The following CLDND1 variants were observed in gnomAD, a reference collection of about 807,000 sequenced individuals.
CLDND1 encodes claudin domain containing 1, also known as claudin domain-containing protein 1.
A neutral mutation model predicts 26.3 loss-of-function variants in CLDND1; 13 were observed. That is an observed-to-expected ratio of 0.49 (90% CI 0.32 to 0.78). CLDND1 has a LOEUF of 0.78. Ranked by LOEUF, CLDND1 falls within the 30% of genes least tolerant of loss-of-function variation. CLDND1 has a pLI of 0.03. For synonymous variants in CLDND1, 107 were observed against 107.0 expected, an observed-to-expected ratio of 1.00 and a Z score of 0.00; for missense variants, 289 against 312.8, an observed-to-expected ratio of 0.92 and a Z score of 0.57.
chr3:98,522,177 T>A (rs921023599), intron 1 of CLDND1: 1 of 160,530 alleles, frequency 6.2e-6, no homozygotes, highest in African/African-American at 2.4e-5. Flanking sequence ...GCTCTCTCCC[T>A]AAATCCTCAG....
chr3:98,515,878 A>T lies in CLDND1; in HGVS notation c.*781T>A. ...TTGAGGAATTTTACCTTGTAACTGT[A>T]ATATAATGTAAAAAGAAAGCACACT... On this transcript the variant is annotated 3_prime_UTR_variant, in exon 5 of 5. Coordinates refer to ENST00000341181, the MANE Select transcript of CLDND1 (RefSeq NM_001040181.2). 11 of 1,285,268 alleles carry T rather than the reference A, an allele frequency of 8.6e-6. No individual in the cohort carries two copies. The highest frequency in any genetic ancestry group is 1.1e-5 in the Non-Finnish European group (11 of 986,338). 79.6% of individuals were successfully genotyped at this position (1,285,268 alleles called of 1,614,324 possible). A position where few individuals can be genotyped will look rare whatever the true frequency, so the allele number is the denominator to read the frequency against.
chr3:98,515,957 T>C lies in CLDND1; in HGVS notation c.*702A>G. On this transcript the variant is annotated 3_prime_UTR_variant, in exon 5 of 5. Coordinates refer to ENST00000341181, the MANE Select transcript of CLDND1 (RefSeq NM_001040181.2). Reference sequence around the variant, plus strand: ...AGAAAAAAAATCCAAAACAATTTGGTGGTACTGAAAATCTTACGGAGAGTT... The same window carrying C: ...AGAAAAAAAATCCAAAACAATTTGGCGGTACTGAAAATCTTACGGAGAGTT... 5 of 1,218,846 alleles carry C rather than the reference T, an allele frequency of 4.1e-6. No homozygotes were observed. The highest frequency in any genetic ancestry group is 5.2e-6 in the Non-Finnish European group (5 of 954,186). The allele number at this position is 1,218,846 out of a possible 1,614,324, so 75.5% of individuals were successfully genotyped here.
chr3:98,519,696 G>C (rs1216600486), intron 2 of CLDND1, among the ~76,000 whole-genome samples: 1 of 152,118 alleles, frequency 6.6e-6, no homozygotes, highest in African/African-American at 2.4e-5. Flanking sequence ...CCCAAAGTAG[G>C]TCTTTAACAG....
chr3:98,516,967 A>T (rs954365476), intron 4 of CLDND1, 85 bp downstream of exon 4: 1 of 1,607,136 alleles, frequency 6.2e-7, no homozygotes, highest in Non-Finnish European at 8.5e-7. Flanking sequence ...AGGGCAGTTA[A>T]TACGTGAACA....
chr3:98,521,718 A>G, intron 1 of CLDND1: 1 of 1,606,704 alleles, frequency 6.2e-7, no homozygotes, highest in Non-Finnish European at 8.5e-7. Context: ...AACAGACAAC[A>G]CTGAAATGGA....
intron 3 of CLDND1, among the ~76,000 whole-genome samples, chr3:98,517,677 A>G (rs1381151492): frequency 6.6e-6 from 1 of 152,232 alleles, no homozygotes; most frequent in East Asian, 1.9e-4. Context: ...TGTAGGTTAT[A>G]TGCTAATATT....
chr3:98,521,036 A>G (rs1706385744), intron 2 of CLDND1, 97 bp downstream of exon 2: 2 of 1,050,110 alleles, frequency 1.9e-6, no homozygotes, highest in East Asian at 2.4e-5. Context: ...GAGAGAGAGA[A>G]CCAACAAACC....
At chr3:98,520,042 TTATTTATTC>T (rs545782184) in intron 2 of CLDND1, among the ~76,000 whole-genome samples, 15 of 152,360 alleles carry the variant, frequency 9.8e-5, no homozygotes, top group Middle Eastern at 3.4e-3. Flanking sequence ...TACTGAATAA[TTATTTATTC>T]TGTTTATACT....
At chr3:98,522,658 G>C in intron 1 of CLDND1, 191 bp downstream of exon 1, 1 of 1,422,042 alleles carries the variant, frequency 7.0e-7, no homozygotes, top group Non-Finnish European at 9.1e-7. Context: ...GGGCAGCCGT[G>C]CTCGGCCCCG....
chr3:98,517,313 G>T, intron 3 of CLDND1, 124 bp from the exon 4 acceptor site: 1 of 1,117,556 alleles, frequency 8.9e-7, no homozygotes, highest in South Asian at 1.7e-5. Flanking sequence ...TTTTAACATT[G>T]AGGCCTCTTT....
In CLDND1 at chr3:98,515,814, C is replaced by A; in HGVS notation, c.*845G>T. 1.6e-6 allele frequency: 2 copies of A among 1,289,542 alleles called. No individual in the cohort carries two copies. The highest frequency in any genetic ancestry group is 2.0e-6 in the Non-Finnish European group (2 of 988,786). The allele number at this position is 1,289,542 out of a possible 1,614,324, so 79.9% of individuals were successfully genotyped here. A position where few individuals can be genotyped will look rare whatever the true frequency, so the allele number is the denominator to read the frequency against. On this transcript the variant is annotated 3_prime_UTR_variant, in exon 5 of 5. Transcript: ENST00000341181. ...GCTCTGGAGGGTCATTATGGTGAAA[C>A]GTTCTTTATAGTACTGGGCTGGAAT...
At chr3:98,521,025 G>A in intron 2 of CLDND1, 108 bp downstream of exon 2, 1 of 906,578 alleles carries the variant, frequency 1.1e-6, no homozygotes, top group Non-Finnish European at 1.7e-6. Flanking sequence ...ATTTCTTTAA[G>A]GAGAGAGAGA....
At chr3:98,521,761 C>G in intron 1 of CLDND1, 2 of 1,428,700 alleles carry the variant, frequency 1.4e-6, no homozygotes, top group Non-Finnish European at 2.0e-6. Flanking sequence ...AATAGACATG[C>G]CCATGGTCAG....
At position 98,517,067 on chromosome 3, in the gene CLDND1, G is replaced by C. The variant is rs1320183347; in HGVS notation, c.526C>G (p.Leu176Val). The C allele has an allele frequency of 1.9e-6, 3 of 1,614,142 alleles. No individual in the cohort carries two copies. The highest frequency in any genetic ancestry group is 2.5e-6 in the Non-Finnish European group (3 of 1,180,006). ...CAAAACCTACCTGCAAGGAGATGGAGAATGCCCGTGGCAATGGTGGGATAT... is the reference window on the plus strand; with the variant it reads ...CAAAACCTACCTGCAAGGAGATGGACAATGCCCGTGGCAATGGTGGGATAT... ...SLYPTIATGI[L>V]HLLAGLCTLG... Residue 176 changes from leucine to valine, a missense_variant, in exon 4 of 5, where the codon CTC becomes GTC. Physicochemically the swap from Leu to Val is conservative, Grantham distance 32. Coordinates refer to ENST00000341181, the MANE Select transcript of CLDND1 (RefSeq NM_001040181.2).
At position 98,515,486 on chromosome 3, in the gene CLDND1, C is replaced by T. The variant is rs569503596; in HGVS notation, c.*1173G>A. ...AGACACTCTATATACAATTGAGTCTCTTTTCATTTTTAATTTTATTTTTTA... is the reference window on the plus strand; with the variant it reads ...AGACACTCTATATACAATTGAGTCTTTTTTCATTTTTAATTTTATTTTTTA... On this transcript the variant is annotated 3_prime_UTR_variant, in exon 5 of 5. Transcript: ENST00000341181. The T allele has an allele frequency of 6.3e-5, 46 of 733,282 alleles. 2 individuals carry two copies. The South Asian group carries it at 1.2e-3, about 19-fold the overall frequency. The allele number at this position is 733,282 out of a possible 1,614,324, so 45.4% of individuals were successfully genotyped here. A position where few individuals can be genotyped will look rare whatever the true frequency, so the allele number is the denominator to read the frequency against.
At position 98,516,318 on chromosome 3, in the gene CLDND1, T is replaced by C. The variant is rs534992861; in HGVS notation, c.*341A>G. On this transcript the variant is annotated 3_prime_UTR_variant, in exon 5 of 5. Transcript: ENST00000341181. ...TTTTTAGTTGAACAGATACAGTTAC[T>C]TTAGTTTTACTGAAAAGTCTAACAG... is the stretch of plus-strand genomic sequence containing the variant. The C allele has an allele frequency of 2.8e-6, 3 of 1,066,958 alleles. 1 individual carries two copies. The African/African-American group carries it at 5.1e-5, about 18-fold the overall frequency. 66.1% of individuals were successfully genotyped at this position (1,066,958 alleles called of 1,614,324 possible).
In CLDND1 at chr3:98,516,341, C is replaced by T; in HGVS notation, c.*318G>A. The T allele has an allele frequency of 9.1e-7, 1 of 1,096,440 alleles. No homozygotes were observed. Among genetic ancestry groups the T allele is most frequent in the African/African-American group, 1.7e-5 (1 of 59,868 alleles). 67.9% of individuals were successfully genotyped at this position (1,096,440 alleles called of 1,614,324 possible). ...ACTTTAGTTTTACTGAAAAGTCTAACAGACATTAGCACAACTTGTTTTCGG... is the reference window on the plus strand; with the variant it reads ...ACTTTAGTTTTACTGAAAAGTCTAATAGACATTAGCACAACTTGTTTTCGG... On this transcript the variant is annotated 3_prime_UTR_variant, in exon 5 of 5. Transcript: ENST00000341181.
rs759722971 is a variant in CLDND1, at chr3:98,517,093, A to G, written c.500T>C (p.Leu167Ser). ...AATGCCCGTGGCAATGGTGGGATAT[A>G]AGCTTCGGCAAATGCAAGCACAAAG... ...IGLCACICRS[L>S]YPTIATGILH... Residue 167 changes from leucine to serine, a missense_variant, in exon 4 of 5, where the codon TTA becomes TCA. Coordinates refer to ENST00000341181, the MANE Select transcript of CLDND1 (RefSeq NM_001040181.2). 3.1e-6 allele frequency: 5 copies of G among 1,614,186 alleles called. No individual in the cohort carries two copies. The highest frequency in any genetic ancestry group is 1.1e-5 in the South Asian group (1 of 91,084).
At chr3:98,520,564 T>A (rs1706364168) in intron 2 of CLDND1, among the ~76,000 whole-genome samples, 1 of 151,934 alleles carries the variant, frequency 6.6e-6, no homozygotes, top group African/African-American at 2.4e-5. Context: ...AAATCTAGTT[T>A]TTGGTTTTTT....
Sources: gnomAD v4.1 joint callset for allele counts (sites outside exome capture counted in the v4.1 genomes callset) on GRCh38, gnomAD v4.1.1 for gene constraint, MANE v1.5 for transcripts, NCBI Gene and HGNC (gene_info 2026-07-23, HGNC 2026-07-21) for gene names.